EML1: variants seen among roughly 807,000 people sequenced by gnomAD.
EML1 encodes echinoderm microtubule-associated protein-like 1.
EML1 carries 27 observed loss-of-function variants against 110.4 expected under a neutral mutation model. The ratio of observed to expected loss-of-function variants is 0.24; its 90% CI spans 0.18 to 0.34. The LOEUF (loss-of-function observed/expected upper bound fraction) is 0.34. Ranked by LOEUF, EML1 falls within the 10% of genes least tolerant of loss-of-function variation. EML1 has a pLI of 1.00. For missense variants in EML1, 741 were observed against 1,030.9 expected (o/e 0.72, Z 3.85); for synonymous variants, 344 against 385.8 (o/e 0.89, Z 1.27).
At chr14:99,909,860 G>T (rs1187255773) in intron 11 of EML1, among the ~76,000 whole-genome samples, 1 of 152,248 alleles carries the variant, frequency 6.6e-6, no homozygotes, top group African/African-American at 2.4e-5. Context: ...TTTCCCGGGG[G>T]TCCATCTGCC....
intron 1 of EML1, among the ~76,000 whole-genome samples, chr14:99,839,956 A>C (rs1280451620): frequency 1.3e-5 from 2 of 152,230 alleles, no homozygotes; most frequent in Non-Finnish European, 2.9e-5. Context: ...AGGGCTGCGA[A>C]TCTGACAGCA....
At chr14:99,774,382 G>A (rs906956359) in intron 1 of EML1, among the ~76,000 whole-genome samples, 2 of 152,174 alleles carry the variant, frequency 1.3e-5, no homozygotes, top group Non-Finnish European at 2.9e-5. Flanking sequence ...GAGTCACCTG[G>A]TTTGGCCATG....
In EML1 at chr14:99,889,503, G is replaced by A. The variant is rs2059549432; in HGVS notation, c.519-1696G>A. 3.3e-5 allele frequency among the ~76,000 whole-genome samples: 5 copies of A among 152,186 alleles called. No homozygotes were observed. The South Asian group carries it at 8.3e-4, about 25-fold the overall frequency. ...CAAAATGAAGGCAGGGGGCAAATAA[G>A]TGCTATAGAGAAAAATAAAGCAGGA... On this transcript the variant is annotated intron_variant, in intron 4 of 21. Transcript: ENST00000262233.
At chr14:99,824,406 A>G (rs1197937090) in intron 1 of EML1, among the ~76,000 whole-genome samples, 1 of 152,108 alleles carries the variant, frequency 6.6e-6, no homozygotes, top group East Asian at 1.9e-4. Flanking sequence ...TACAGCATGG[A>G]TCCCTGCATA....
At position 99,909,497 on chromosome 14, in the gene EML1, T is replaced by C. The variant is rs751024454; in HGVS notation, c.1239+18T>C. 1 of 1,613,904 alleles carries C rather than the reference T, an allele frequency of 6.2e-7. No individual in the cohort carries two copies. Among genetic ancestry groups the C allele is most frequent in the Admixed American group, 1.7e-5 (1 of 59,980 alleles). Reference sequence around the variant, plus strand: ...TATTCGAGGTAAAGTTAAATTATGATTTTTGCTTTATTTTTCTCTCGTATA... The same window carrying C: ...TATTCGAGGTAAAGTTAAATTATGACTTTTGCTTTATTTTTCTCTCGTATA... On this transcript the variant is annotated intron_variant, in intron 11 of 21. Coordinates refer to ENST00000262233, the MANE Select transcript of EML1 (RefSeq NM_004434.3).
chr14:99,840,191 A>C (rs565743442), intron 1 of EML1, among the ~76,000 whole-genome samples: 2 of 152,216 alleles, frequency 1.3e-5, no homozygotes, highest in African/African-American at 2.4e-5. Flanking sequence ...TTACTGCTTA[A>C]ATGATTGGTT....
chr14:99,789,197 T>C (rs543464773), upstream of EML1, among the ~76,000 whole-genome samples: 18 of 152,312 alleles, frequency 1.2e-4, no homozygotes, highest in African/African-American at 4.3e-4. Context: ...TATTTCTTTC[T>C]TTCTTTTTAT....
intron 20 of EML1, 144 bp downstream of exon 20, chr14:99,938,056 C>A: frequency 1.3e-6 from 1 of 772,826 alleles, no homozygotes; most frequent in Non-Finnish European, 2.1e-6. Context: ...CACCTCCTGC[C>A]GCACCCTGGG....
At chr14:99,787,155 A>G (rs923885439) in intron 1 of EML1, among the ~76,000 whole-genome samples, 2 of 151,368 alleles carry the variant, frequency 1.3e-5, no homozygotes, top group South Asian at 2.1e-4. Context: ...CTCAGTGATT[A>G]CCTCTTATTT....
chr14:99,914,954 A>G (rs2060008438), intron 15 of EML1: 1 of 485,524 alleles, frequency 2.1e-6, no homozygotes, highest in Non-Finnish European at 3.6e-6. Flanking sequence ...GTTCATTGTC[A>G]GATTTTCTGA....
At chr14:99,895,585 G>A (rs1432735737) in intron 6 of EML1, among the ~76,000 whole-genome samples, 2 of 152,144 alleles carry the variant, frequency 1.3e-5, no homozygotes, top group African/African-American at 4.8e-5. Context: ...TACTCTGAAA[G>A]GAGGACTAGC....
chr14:99,882,164 A>G (rs1442950139), intron 4 of EML1, among the ~76,000 whole-genome samples: 2 of 152,262 alleles, frequency 1.3e-5, no homozygotes, highest in Non-Finnish European at 2.9e-5. Context: ...TAATAATTAC[A>G]TAGTGATTCA....
In EML1 at chr14:99,914,244, C is replaced by T. The variant is rs372980788; in HGVS notation, c.1560C>T (p.Gly520=). The T allele has an allele frequency of 7.4e-6, 12 of 1,613,876 alleles. No homozygotes were observed. In the African/African-American group the frequency reaches 1.3e-4, roughly 18 times the overall value. The change falls in exon 14 of 22, where the codon GGC becomes GGT. Residue 520 remains glycine, a synonymous_variant. Transcript: ENST00000262233. ...AEGKGDVILI[G]TTRNFVLQGT... ...GGAAAGGCGATGTGATCTTGATTGG[C>T]ACAACTCGAAACTTTGTCCTGCAGG...
chr14:99,787,294 C>T (rs1230887319), intron 1 of EML1, among the ~76,000 whole-genome samples: 2 of 106,292 alleles, frequency 1.9e-5, no homozygotes, highest in African/African-American at 7.5e-5. Context: ...TTTTTTGAGA[C>T]AGAGTCTCAC....
At chr14:99,881,820 C>T (rs893405598) in intron 4 of EML1, among the ~76,000 whole-genome samples, 25 of 152,100 alleles carry the variant, frequency 1.6e-4, no homozygotes, top group African/African-American at 5.8e-4. Flanking sequence ...AGGATGGTCT[C>T]GATCTCTTGA....
chr14:99,919,418 G>GCATACAGACACA (rs1566937810), intron 16 of EML1, among the ~76,000 whole-genome samples: 1 of 95,164 alleles, frequency 1.1e-5, no homozygotes, highest in Non-Finnish European at 2.2e-5. Context: ...ACATACGCAT[G>GCATACAGACACA]CACACAGACA....
At chr14:99,749,311 C>A (rs12433885) in intron 1 of EML1, among the ~76,000 whole-genome samples, 19,236 of 152,124 alleles carry the variant, frequency 0.13, 1,297 homozygotes, top group East Asian at 0.18. Flanking sequence ...CTCACATCTT[C>A]ACCGGCACCT....
chr14:99,746,438 A>G (rs2140166283), intron 1 of EML1, among the ~76,000 whole-genome samples: 1 of 152,284 alleles, frequency 6.6e-6, no homozygotes, highest in South Asian at 2.1e-4. Flanking sequence ...CCCTGAGCCC[A>G]GCTATGTGGC....
chr14:99,807,637 C>T (rs1225414222), intron 1 of EML1, among the ~76,000 whole-genome samples: 1 of 152,152 alleles, frequency 6.6e-6, no homozygotes, highest in Non-Finnish European at 1.5e-5. Context: ...AACCCTACCC[C>T]AGGAAGAAAC....
Sources: gnomAD v4.1 joint callset for allele counts (sites outside exome capture counted in the v4.1 genomes callset) on GRCh38, gnomAD v4.1.1 for gene constraint, MANE v1.5 for transcripts, NCBI Gene and HGNC (gene_info 2026-07-23, HGNC 2026-07-21) for gene names.